The following FOXP1 variants were observed in gnomAD, a reference collection of about 807,000 sequenced individuals.
FOXP1 encodes the protein forkhead box P1, also known as forkhead box protein P1.
Under a neutral mutation model 98.2 loss-of-function variants are expected in FOXP1, and 15 were observed. That is an observed-to-expected ratio of 0.15 (90% CI 0.10 to 0.24). FOXP1 has a LOEUF of 0.24. Ranked by LOEUF, FOXP1 falls within the 10% of genes least tolerant of loss-of-function variation. FOXP1 has a pLI of 1.00. For missense variants in FOXP1, 633 were observed against 848.5 expected (o/e 0.75, Z 3.15); for synonymous variants, 371 against 314.5 (o/e 1.18, Z -1.90).
intron 20 of FOXP1, among the ~76,000 whole-genome samples, chr3:70,962,007 T>A (rs2033652729): frequency 2.0e-5 from 3 of 152,218 alleles, no homozygotes; most frequent in African/African-American, 7.2e-5. Flanking sequence ...TAAAATACCC[T>A]ACATTCTTTT....
chr3:71,434,304 G>C (rs2085006699), intron 3 of FOXP1, among the ~76,000 whole-genome samples: 1 of 151,700 alleles, frequency 6.6e-6, no homozygotes, highest in African/African-American at 2.4e-5. Context: ...CCCGCAGTCA[G>C]GATGACAGCT....
chr3:71,543,124 T>C (rs2045014346), intron 2 of FOXP1, among the ~76,000 whole-genome samples: 1 of 152,214 alleles, frequency 6.6e-6, no homozygotes, highest in African/African-American at 2.4e-5. Context: ...TATTCCCCGC[T>C]TCGGCTCTGT....
intron 7 of FOXP1, among the ~76,000 whole-genome samples, chr3:71,111,619 G>A (rs977726649): frequency 1.3e-5 from 2 of 151,938 alleles, no homozygotes; most frequent in Non-Finnish European, 2.9e-5. Flanking sequence ...GCCTCGTCTC[G>A]AACTCCTGAC....
At chr3:71,404,824 C>T (rs1026204239) in intron 3 of FOXP1, among the ~76,000 whole-genome samples, 5 of 152,164 alleles carry the variant, frequency 3.3e-5, no homozygotes, top group Admixed American at 2.6e-4. Context: ...AGAGACTAAT[C>T]AATAGTATCA....
intron 3 of FOXP1, among the ~76,000 whole-genome samples, chr3:71,475,402 C>G (rs1372560311): frequency 6.6e-6 from 1 of 152,018 alleles, no homozygotes; most frequent in Non-Finnish European, 1.5e-5. Flanking sequence ...CCATGGCAAT[C>G]GGGGAAAGGG....
At chr3:71,557,192 T>C (rs539184103) in intron 2 of FOXP1, among the ~76,000 whole-genome samples, 128 of 152,276 alleles carry the variant, frequency 8.4e-4, no homozygotes, top group African/African-American at 2.9e-3. Flanking sequence ...GGGTATATCA[T>C]ACAGGTATCT....
intron 6 of FOXP1, among the ~76,000 whole-genome samples, chr3:71,197,200 A>G (rs1338030872): frequency 6.6e-6 from 1 of 152,080 alleles, no homozygotes. Flanking sequence ...GCTTTCAGAA[A>G]GGCCCAAAGA....
chr3:71,137,609 C>T (rs1439654942), intron 6 of FOXP1, among the ~76,000 whole-genome samples: 1 of 152,032 alleles, frequency 6.6e-6, no homozygotes, highest in Non-Finnish European at 1.5e-5. Context: ...GGAGTTTTAG[C>T]TTTCAAAGCT....
At chr3:71,006,756 A>G (rs1299971119) in intron 12 of FOXP1, among the ~76,000 whole-genome samples, 1 of 152,202 alleles carries the variant, frequency 6.6e-6, no homozygotes, top group Non-Finnish European at 1.5e-5. Flanking sequence ...ACAGTGATAT[A>G]GATGTACCGC....
At chr3:71,436,773 C>G (rs182208196) in intron 3 of FOXP1, among the ~76,000 whole-genome samples, 3 of 152,112 alleles carry the variant, frequency 2.0e-5, no homozygotes, top group Admixed American at 2.0e-4. Flanking sequence ...CGACTTGGAG[C>G]CAGCCAGGCA....
At chr3:71,155,917 T>G (rs1305068752) in intron 6 of FOXP1, among the ~76,000 whole-genome samples, 2 of 152,022 alleles carry the variant, frequency 1.3e-5, no homozygotes, top group African/African-American at 2.4e-5. Flanking sequence ...CAATGGGTGG[T>G]TTTTCTCCCC....
intron 14 of FOXP1, among the ~76,000 whole-genome samples, chr3:70,986,427 C>CA (rs2039747836): frequency 6.6e-6 from 1 of 152,244 alleles, no homozygotes; most frequent in South Asian, 2.1e-4. Flanking sequence ...TGGAGGAAGA[C>CA]AGAGATAATC....
intron 3 of FOXP1, among the ~76,000 whole-genome samples, chr3:71,460,415 T>A (rs2087955390): frequency 6.6e-6 from 1 of 151,004 alleles, no homozygotes; most frequent in Admixed American, 6.6e-5. Flanking sequence ...AATTTTTGAT[T>A]TTTTGGTTTT....
At chr3:71,230,631 C>G (rs2066211443) in intron 5 of FOXP1, among the ~76,000 whole-genome samples, 1 of 152,074 alleles carries the variant, frequency 6.6e-6, no homozygotes, top group African/African-American at 2.4e-5. Flanking sequence ...TCTGCTAAGC[C>G]AAACCTGTGA....
intron 3 of FOXP1, among the ~76,000 whole-genome samples, chr3:71,411,009 G>A (rs2082685896): frequency 6.6e-6 from 1 of 152,098 alleles, no homozygotes; most frequent in African/African-American, 2.4e-5. Flanking sequence ...TTGGTTATTA[G>A]GGCTTTCTTT....
intron 13 of FOXP1, among the ~76,000 whole-genome samples, chr3:70,989,320 T>G (rs1380196839): frequency 6.6e-6 from 1 of 151,860 alleles, no homozygotes; most frequent in African/African-American, 2.4e-5. Context: ...TTCTTTTTAT[T>G]CCCTTGTGGT....
chr3:71,057,249 T>C (rs1010645302), intron 7 of FOXP1, among the ~76,000 whole-genome samples: 3 of 150,178 alleles, frequency 2.0e-5, no homozygotes, highest in Non-Finnish European at 4.4e-5. Flanking sequence ...AGCTCTCTAA[T>C]ATTTATGGGC....
At chr3:71,535,860 T>G (rs2107569859) in intron 2 of FOXP1, among the ~76,000 whole-genome samples, 1 of 152,284 alleles carries the variant, frequency 6.6e-6, no homozygotes, top group South Asian at 2.1e-4. Context: ...ATCCTTCTAA[T>G]ACACACAACG....
At chr3:71,410,895 C>T (rs1254949951) in intron 3 of FOXP1, among the ~76,000 whole-genome samples, 2 of 152,180 alleles carry the variant, frequency 1.3e-5, no homozygotes, top group African/African-American at 2.4e-5. Context: ...TATTTCCTCG[C>T]CTACTGCTCA....
Sources: gnomAD v4.1 joint callset for allele counts (sites outside exome capture counted in the v4.1 genomes callset) on GRCh38, gnomAD v4.1.1 for gene constraint, MANE v1.5 for transcripts, NCBI Gene and HGNC (gene_info 2026-07-23, HGNC 2026-07-21) for gene names.